Variants in ADAM18 observed in about 807,000 individuals in gnomAD.
The protein encoded by ADAM18 is ADAM metallopeptidase domain 18.
ADAM18 carries 117 observed loss-of-function variants against 94.4 expected under a neutral mutation model. The observed-to-expected ratio is 1.24, with a 90% CI of 1.07 to 1.45. The LOEUF (loss-of-function observed/expected upper bound fraction) is 1.45, where lower values mean the gene tolerates loss of function less well. ADAM18 is among the 40% of genes most tolerant of loss of function. The pLI is 0.00. For synonymous variants in ADAM18, 327 were observed against 291.6 expected (o/e 1.12, Z -1.24); for missense variants, 936 against 880.0 (o/e 1.06, Z -0.81).
intron 2 of ADAM18, among the ~76,000 whole-genome samples, chr8:39,596,366 A>G (rs1196200919): frequency 6.6e-6 from 1 of 152,214 alleles, no homozygotes; most frequent in African/African-American, 2.4e-5. Context: ...CTTGACATTT[A>G]CTTATTCTTT....
At chr8:39,693,484 AAT>A (rs1262614156) in intron 17 of ADAM18, among the ~76,000 whole-genome samples, 1 of 151,100 alleles carries the variant, frequency 6.6e-6, no homozygotes, top group Non-Finnish European at 1.5e-5. Context: ...TATTTTTTAC[AAT>A]ATCTCAACAC....
At chr8:39,637,384 T>C (rs764120922) in intron 8 of ADAM18, 49 bp downstream of exon 8, 5 of 1,550,656 alleles carry the variant, frequency 3.2e-6, no homozygotes, top group Admixed American at 1.9e-5. Flanking sequence ...GTTTCTTTAA[T>C]ATAATTTGGG....
chr8:39,680,464 C>T (rs1178800341), intron 16 of ADAM18, among the ~76,000 whole-genome samples: 1 of 152,136 alleles, frequency 6.6e-6, no homozygotes, highest in Non-Finnish European at 1.5e-5. Flanking sequence ...ATTTTAAGCA[C>T]AAGATTTTAC....
At chr8:39,620,174 A>T (rs1266423296) in intron 6 of ADAM18, among the ~76,000 whole-genome samples, 1 of 152,062 alleles carries the variant, frequency 6.6e-6, no homozygotes, top group Non-Finnish European at 1.5e-5. Flanking sequence ...ATTCACACAC[A>T]AAAGAGTGAA....
At chr8:39,675,420 T>C (rs113611229) in intron 14 of ADAM18, among the ~76,000 whole-genome samples, 1,983 of 152,340 alleles carry the variant, frequency 0.013, 20 homozygotes, top group Non-Finnish European at 0.021. Context: ...GAATCGGCTA[T>C]TGATGTTTGT....
At chr8:39,649,163 T>A (rs1266693082) in intron 12 of ADAM18, among the ~76,000 whole-genome samples, 1 of 152,048 alleles carries the variant, frequency 6.6e-6, no homozygotes, top group Admixed American at 6.6e-5. Flanking sequence ...TCATGATTTA[T>A]CCCCCAACAG....
chr8:39,628,136 T>C (rs1046824370), intron 6 of ADAM18, among the ~76,000 whole-genome samples: 2 of 152,034 alleles, frequency 1.3e-5, no homozygotes, highest in African/African-American at 4.8e-5. Context: ...ATTATTTTAG[T>C]GCCCCCTTTT....
rs1407194089 is a variant in ADAM18 at position 39,605,728 on chromosome 8, GT to G, written c.133-574del. On this transcript the variant is annotated intron_variant, in intron 2 of 19. Coordinates refer to ENST00000265707, the MANE Select transcript of ADAM18 (RefSeq NM_014237.3). ...TATTTTATTTTATTTTTATTTATAG[GT>G]TTTTGGGGAGCAGGTGGTATTTGGT... is the stretch of plus-strand genomic sequence containing the variant. The G allele has an allele frequency of 1.8e-5, 4 of 227,068 alleles. No individual in the cohort carries two copies. In the South Asian group the frequency reaches 1.8e-4, roughly 10 times the overall value. The allele number at this position is 227,068 out of a possible 1,614,324, so 14.1% of individuals were successfully genotyped here. A position where few individuals can be genotyped will look rare whatever the true frequency, so the allele number is the denominator to read the frequency against.
chr8:39,636,009 G>GTT (rs1286518727), intron 7 of ADAM18, among the ~76,000 whole-genome samples: 23 of 131,034 alleles, frequency 1.8e-4, no homozygotes, highest in African/African-American at 3.4e-4. Flanking sequence ...AAGTTTTTTT[G>GTT]TTTTTTTTTT....
intron 6 of ADAM18, among the ~76,000 whole-genome samples, chr8:39,619,663 C>T (rs1245732449): frequency 6.6e-6 from 1 of 151,818 alleles, no homozygotes; most frequent in Non-Finnish European, 1.5e-5. Flanking sequence ...AATGAAATAA[C>T]TATTAGTAAG....
At chr8:39,692,461 A>T (rs1476012155) in intron 16 of ADAM18, 139 bp from the exon 17 acceptor site, 6 of 421,946 alleles carry the variant, frequency 1.4e-5, no homozygotes, top group Middle Eastern at 6.2e-4. Flanking sequence ...AATGTTAATC[A>T]TATTAATATT....
Position 39,597,257 on chromosome 8 carries a change from A to G in ADAM18, c.133-9050A>G, listed in dbSNP as rs2129458183. On this transcript the variant is annotated intron_variant, in intron 2 of 19. Transcript: ENST00000265707. ...TCATATACTTGACAGTGTCTTTCAC[A>G]GAGAAGAAATTTTCAGTTTTAATTA... Among the ~76,000 whole-genome samples, 3 of 152,248 alleles carry G rather than the reference A, an allele frequency of 2.0e-5. No homozygotes were observed. The South Asian group carries it at 6.2e-4, about 32-fold the overall frequency.
intron 17 of ADAM18, 134 bp from the exon 18 acceptor site, chr8:39,706,656 A>C (rs1822249868): frequency 2.0e-6 from 1 of 488,432 alleles, no homozygotes; most frequent in African/African-American, 1.9e-5. Flanking sequence ...TATTTCTCAC[A>C]TTATATAGTC....
Position 39,730,055 on chromosome 8 carries a change from G to A in ADAM18, c.*115G>A, listed in dbSNP as rs572108604. The A allele has an allele frequency of 8.7e-6, 9 of 1,036,360 alleles. No homozygotes were observed. The highest frequency in any genetic ancestry group is 1.3e-5 in the Non-Finnish European group (9 of 675,862). 64.2% of individuals were successfully genotyped at this position (1,036,360 alleles called of 1,614,324 possible). A position where few individuals can be genotyped will look rare whatever the true frequency, so the allele number is the denominator to read the frequency against. On this transcript the variant is annotated 3_prime_UTR_variant, in exon 20 of 20. Coordinates refer to ENST00000265707, the MANE Select transcript of ADAM18 (RefSeq NM_014237.3). ...CAAACTTTTGGAAAATAAAGCCTGC[G>A]TGCCCTCCCATGTGCCTCCTCCAGT...
intron 18 of ADAM18, among the ~76,000 whole-genome samples, chr8:39,714,085 G>T (rs1822500135): frequency 6.6e-6 from 1 of 152,088 alleles, no homozygotes; most frequent in African/African-American, 2.4e-5. Context: ...CGTGGCACAT[G>T]TACACCATGG....
intron 13 of ADAM18, among the ~76,000 whole-genome samples, chr8:39,664,899 C>A (rs1156818393): frequency 2.0e-5 from 3 of 151,618 alleles, no homozygotes; most frequent in Non-Finnish European, 4.4e-5. Context: ...TCTGGTAAAT[C>A]ACCTCTATGT....
intron 2 of ADAM18, among the ~76,000 whole-genome samples, chr8:39,598,570 C>T (rs1818808252): frequency 6.6e-6 from 1 of 151,904 alleles, no homozygotes; most frequent in African/African-American, 2.4e-5. Flanking sequence ...GAGTTCGAGA[C>T]CTGCCTGGCC....
chr8:39,667,668 G>GT (rs1821028077), intron 13 of ADAM18, among the ~76,000 whole-genome samples: 6 of 152,170 alleles, frequency 3.9e-5, no homozygotes, highest in African/African-American at 1.4e-4. Flanking sequence ...AGAACAAAAA[G>GT]GTAGAGACAG....
intron 18 of ADAM18, among the ~76,000 whole-genome samples, chr8:39,719,899 AC>A (rs1822700041): frequency 1.3e-5 from 2 of 151,510 alleles, no homozygotes; most frequent in Admixed American, 6.6e-5. Context: ...TATACAATTT[AC>A]CCAGTAGAAT....
Sources: gnomAD v4.1 joint callset for allele counts (sites outside exome capture counted in the v4.1 genomes callset) on GRCh38, gnomAD v4.1.1 for gene constraint, MANE v1.5 for transcripts, NCBI Gene and HGNC (gene_info 2026-07-23, HGNC 2026-07-21) for gene names.